Variants in PPARA observed in about 807,000 individuals in gnomAD.
PPARA encodes peroxisome proliferator activated receptor alpha, also known as peroxisome proliferator-activated receptor alpha.
PPARA carries 22 observed loss-of-function variants against 42.2 expected under a neutral mutation model. The observed-to-expected ratio is 0.52, with a 90% CI of 0.37 to 0.74. PPARA has a LOEUF of 0.74. Ranked by LOEUF, PPARA falls within the 30% of genes least tolerant of loss-of-function variation. PPARA has a pLI of 0.00. For synonymous variants in PPARA, 242 were observed against 239.3 expected, an observed-to-expected ratio of 1.01 and a Z score of -0.10; for missense variants, 465 against 608.2, an observed-to-expected ratio of 0.76 and a Z score of 2.48.
chr22:46,225,835 AC>A lies in PPARA; in HGVS notation c.711+5826del, dbSNP rs1169698997. ...CACACATGCACACAGACGCACCTCC[AC>A]CCCCACACACGCACACACACACATG... On this transcript the variant is annotated intron_variant, in intron 7 of 8. Transcript: ENST00000407236. The surrounding 1 kb of genome is among the most constrained non-coding windows in gnomAD (Gnocchi z 4.1). Among the ~76,000 whole-genome samples the A allele has an allele frequency of 4.0e-5, 6 of 148,862 alleles. No individual in the cohort carries two copies. The highest frequency in any genetic ancestry group is 1.3e-4 in the African/African-American group (5 of 39,940).
At chr22:46,218,091 A>G (rs527944883) in intron 5 of PPARA, among the ~76,000 whole-genome samples, 172 bp from the exon 6 acceptor site, 2 of 152,038 alleles carry the variant, frequency 1.3e-5, no homozygotes, top group African/African-American at 4.8e-5. Flanking sequence ...TCAGCCTCCT[A>G]AAGTGCTGGG....
At position 46,237,783 on chromosome 22, in the gene PPARA, T is replaced by G; in HGVS notation, c.*2403T>G. On this transcript the variant is annotated 3_prime_UTR_variant, in exon 9 of 9. Coordinates refer to ENST00000407236, the MANE Select transcript of PPARA (RefSeq NM_005036.6). The surrounding 1 kb of genome is among the most constrained non-coding windows in gnomAD (Gnocchi z 6.7). ...AGAAAGAAGCTAGCCTTTGAGTGTC[T>G]GTCATGGTGCATCCGTTTCAGTATT... 6.6e-6 allele frequency: 1 copy of G among 152,254 alleles called. No homozygotes were observed. The highest frequency in any genetic ancestry group is 1.9e-4 in the East Asian group (1 of 5,200). The allele number at this position is 152,254 out of a possible 1,614,324, so 9.4% of individuals were successfully genotyped here.
At chr22:46,176,991 A>G (rs1293518812) in intron 3 of PPARA, among the ~76,000 whole-genome samples, 155 bp downstream of exon 3, 2 of 152,330 alleles carry the variant, frequency 1.3e-5, no homozygotes, top group Middle Eastern at 3.4e-3. Flanking sequence ...CGGGCAGATC[A>G]CGAGGTTAGG....
At chr22:46,181,120 C>G (rs974375536) in intron 3 of PPARA, among the ~76,000 whole-genome samples, 1 of 152,138 alleles carries the variant, frequency 6.6e-6, no homozygotes, top group Non-Finnish European at 1.5e-5. Context: ...GAAACTTACA[C>G]CTTAGCCGAT....
intron 3 of PPARA, among the ~76,000 whole-genome samples, chr22:46,186,871 G>T (rs1343023106): frequency 6.6e-6 from 1 of 151,950 alleles, no homozygotes; most frequent in Non-Finnish European, 1.5e-5. Flanking sequence ...TTTTTTCCCT[G>T]TATATGCATA....
intron 2 of PPARA, among the ~76,000 whole-genome samples, chr22:46,153,295 G>A (rs1374194256): frequency 1.4e-5 from 2 of 147,584 alleles, no homozygotes; most frequent in African/African-American, 5.0e-5. Flanking sequence ...TCAGCCTCCC[G>A]AGTAGCTGGG....
rs528957561 is a variant in PPARA at position 46,229,084 on chromosome 22, G to A, written c.712-2708G>A. On this transcript the variant is annotated intron_variant, in intron 7 of 8. Coordinates refer to ENST00000407236, the MANE Select transcript of PPARA (RefSeq NM_005036.6). The stretch of plus-strand genomic sequence containing the variant: ...ATCACGCCACTGCACTCCAGCCTGG[G>A]CAACAGAGCGAGACTCCATCTCAAA... Among the ~76,000 whole-genome samples, 490 of 150,384 alleles carry A rather than the reference G, an allele frequency of 3.3e-3. 2 individuals are homozygous for A. In the Middle Eastern group the frequency reaches 0.038, roughly 12 times the overall value.
chr22:46,235,426 C>G lies in PPARA; in HGVS notation c.*46C>G, dbSNP rs778719961. On this transcript the variant is annotated 3_prime_UTR_variant, in exon 9 of 9. Transcript: ENST00000407236. The surrounding 1 kb of genome is among the most constrained non-coding windows in gnomAD (Gnocchi z 7.0). ...CCTTTTCCAGGAGTTCTGAAGCTGA[C>G]AGCACTACAAAGGAGACGGGGGAGC... The G allele has an allele frequency of 8.1e-6, 13 of 1,606,316 alleles. No individual in the cohort carries two copies. Among genetic ancestry groups the G allele is most frequent in the Non-Finnish European group, 1.0e-5 (12 of 1,177,184 alleles).
chr22:46,234,183 A>G lies in PPARA; in HGVS notation c.1160-950A>G, dbSNP rs1041504127. 6.6e-6 allele frequency among the ~76,000 whole-genome samples: 1 copy of G among 152,154 alleles called. No individual in the cohort carries two copies. The highest frequency in any genetic ancestry group is 1.5e-5 in the Non-Finnish European group (1 of 68,032). On this transcript the variant is annotated intron_variant, in intron 8 of 8. Transcript: ENST00000407236. This position sits in a 1 kb window ranked among gnomAD's most constrained non-coding sequence, Gnocchi z 5.8. ...CCCCAGCCACTCTGGAGGCCGAGGC[A>G]GGAGGATTGCTTGAGCCTAGGAGTT... is the stretch of plus-strand genomic sequence containing the variant.
At chr22:46,205,245 T>A (rs907676073) in intron 4 of PPARA, among the ~76,000 whole-genome samples, 2 of 150,888 alleles carry the variant, frequency 1.3e-5, no homozygotes, top group Non-Finnish European at 2.9e-5. Flanking sequence ...TGAGAGAGGG[T>A]CTCACCCTGA....
chr22:46,226,707 ACCT>A (rs1445030981), intron 7 of PPARA, among the ~76,000 whole-genome samples: 2 of 152,066 alleles, frequency 1.3e-5, no homozygotes, highest in East Asian at 3.9e-4. Context: ...ACATAGTGAG[ACCT>A]CCTCTATGAA....
At chr22:46,220,159 T>G in intron 7 of PPARA, 145 bp downstream of exon 7, 1 of 962,728 alleles carries the variant, frequency 1.0e-6, no homozygotes, top group Non-Finnish European at 1.6e-6. Context: ...AAACAGTTCA[T>G]TCTGAGACTC....
chr22:46,207,821 C>T (rs1053290646), intron 4 of PPARA, among the ~76,000 whole-genome samples: 1 of 150,896 alleles, frequency 6.6e-6, no homozygotes, highest in African/African-American at 2.4e-5. Context: ...GGAACTAGGA[C>T]TAGAGGTATA....
At position 46,219,683 on chromosome 22, in the gene PPARA, A is replaced by C. The variant is rs1235658348; in HGVS notation, c.509-129A>C. The C allele has an allele frequency of 3.4e-6, 3 of 873,902 alleles. No homozygotes were observed. The African/African-American group carries it at 5.0e-5, about 15-fold the overall frequency. 54.1% of individuals were successfully genotyped at this position (873,902 alleles called of 1,614,324 possible). ...CATAGTGGAAAGCCGAATAGTAATG[A>C]AGGATGGGTCTGAACTGCCTGTGAA... On this transcript the variant is annotated intron_variant, in intron 6 of 8. Coordinates refer to ENST00000407236, the MANE Select transcript of PPARA (RefSeq NM_005036.6). This position sits in a 1 kb window ranked among gnomAD's most constrained non-coding sequence, Gnocchi z 4.8.
At chr22:46,218,845 AAAAAGAAAAAG>A (rs1231848353) in intron 6 of PPARA, among the ~76,000 whole-genome samples, 12 of 140,792 alleles carry the variant, frequency 8.5e-5, no homozygotes, top group African/African-American at 2.9e-4. Context: ...CAAAAAAAAA[AAAAAGAAAAAG>A]AAAGAAAGAA....
Position 46,233,171 on chromosome 22 carries a change from C to A in PPARA, c.1159+932C>A, listed in dbSNP as rs934295328. Among the ~76,000 whole-genome samples the A allele has an allele frequency of 6.6e-6, 1 of 151,926 alleles. No homozygotes were observed. The highest frequency in any genetic ancestry group is 2.4e-5 in the African/African-American group (1 of 41,348). On this transcript the variant is annotated intron_variant, in intron 8 of 8. Transcript: ENST00000407236. The surrounding 1 kb of genome is among the most constrained non-coding windows in gnomAD (Gnocchi z 7.3). Reference sequence around the variant, plus strand: ...ACAGATGTCAGTATAGTTGCTGTCACAGTTGGTTATGTTGATGAAAAGTAT... The same window carrying A: ...ACAGATGTCAGTATAGTTGCTGTCAAAGTTGGTTATGTTGATGAAAAGTAT...
chr22:46,205,393 A>T (rs1933133185), intron 4 of PPARA, among the ~76,000 whole-genome samples: 1 of 146,466 alleles, frequency 6.8e-6, no homozygotes. Context: ...AGTTTTTTGT[A>T]TTTATTTGTA....
intron 4 of PPARA, among the ~76,000 whole-genome samples, chr22:46,207,604 T>C (rs1933454057): frequency 6.7e-6 from 1 of 148,868 alleles, no homozygotes; most frequent in Admixed American, 6.7e-5. Context: ...TTAAATGCTT[T>C]TAAGATGTTC....
intron 4 of PPARA, among the ~76,000 whole-genome samples, chr22:46,202,026 G>A (rs1932862377): frequency 6.6e-6 from 1 of 151,916 alleles, no homozygotes; most frequent in Non-Finnish European, 1.5e-5. Context: ...TTTTTTCTTT[G>A]GGTAAGATAT....
Sources: allele counts gnomAD v4.1 joint callset (sites outside exome capture counted in the v4.1 genomes callset), GRCh38; gene constraint gnomAD v4.1.1; non-coding constraint Gnocchi (gnomAD v3.1); transcripts MANE v1.5; gene names NCBI Gene and HGNC (gene_info 2026-07-23, HGNC 2026-07-21).